The following KIAA0825 variants were observed in gnomAD, a reference collection of about 807,000 sequenced individuals.
KIAA0825 encodes KIAA0825.
A neutral mutation model predicts 147.6 loss-of-function variants in KIAA0825; 119 were observed. The observed-to-expected ratio is 0.81, with a 90% confidence interval of 0.69 to 0.94. The LOEUF is 0.94. Ranked by LOEUF, KIAA0825 falls within the 40% of genes least tolerant of loss-of-function variation. The pLI is 0.00. For missense variants in KIAA0825, 1,381 were observed against 1,472.7 expected, an observed-to-expected ratio of 0.94 and a Z score of 1.02; for synonymous variants, 470 against 518.1, an observed-to-expected ratio of 0.91 and a Z score of 1.26.
In KIAA0825 at chr5:94,253,669, G is replaced by A. The variant is rs558570174; in HGVS notation, c.3711-99545C>T. ...CTATTACTCTCATATTTCTAGAAAG[G>A]GAATATTTCAACATCATATATTTTT... On this transcript the variant is annotated intron_variant, in intron 20 of 20. Coordinates refer to ENST00000682413, the MANE Select transcript of KIAA0825 (RefSeq NM_001145678.3). Among the ~76,000 whole-genome samples, 12 of 152,050 alleles carry A rather than the reference G, an allele frequency of 7.9e-5. No individual in the cohort carries two copies. In the East Asian group the frequency reaches 2.1e-3, roughly 27 times the overall value.
At chr5:94,517,381 A>T (rs1767431946) in intron 5 of KIAA0825, among the ~76,000 whole-genome samples, 2 of 152,196 alleles carry the variant, frequency 1.3e-5, no homozygotes, top group African/African-American at 4.8e-5. Context: ...AGTCTTATAC[A>T]TATTAATAAG....
chr5:94,488,226 GTTC>G (rs1401066317), intron 5 of KIAA0825, among the ~76,000 whole-genome samples: 2 of 152,162 alleles, frequency 1.3e-5, no homozygotes, highest in Admixed American at 6.5e-5. Context: ...CAATCCAGGA[GTTC>G]TTCTTCCCCC....
intron 20 of KIAA0825, among the ~76,000 whole-genome samples, chr5:94,365,738 C>T (rs1240796266): frequency 6.6e-6 from 1 of 152,202 alleles, no homozygotes; most frequent in Non-Finnish European, 1.5e-5. Flanking sequence ...AAGATGATAA[C>T]AGGCCTTTCC....
intron 5 of KIAA0825, among the ~76,000 whole-genome samples, chr5:94,494,351 G>T (rs1229290397): frequency 7.7e-6 from 1 of 129,036 alleles, no homozygotes; most frequent in Non-Finnish European, 1.6e-5. Context: ...CTGAGAACAT[G>T]AGAGAGAATA....
At chr5:94,435,113 CTA>C (rs1756171711) in intron 14 of KIAA0825, among the ~76,000 whole-genome samples, 2 of 151,822 alleles carry the variant, frequency 1.3e-5, no homozygotes, top group Admixed American at 1.3e-4. Flanking sequence ...AAAAAAACCA[CTA>C]TTTTTTTTTC....
chr5:94,379,893 G>T (rs1243224934), intron 20 of KIAA0825, among the ~76,000 whole-genome samples: 11 of 112,842 alleles, frequency 9.7e-5, no homozygotes, highest in Admixed American at 3.9e-4. Flanking sequence ...TTGCTCTCTA[G>T]CCCAGGCTGC....
At chr5:94,316,761 A>G (rs1336343241) in intron 20 of KIAA0825, among the ~76,000 whole-genome samples, 11 of 151,804 alleles carry the variant, frequency 7.2e-5, no homozygotes, top group Non-Finnish European at 1.6e-4. Flanking sequence ...GATTAAATGC[A>G]ATTTTTAAAA....
chr5:94,483,576 GTTTTTTTGGGGGGGT>G (rs1762716047), intron 6 of KIAA0825, among the ~76,000 whole-genome samples: 1 of 150,908 alleles, frequency 6.6e-6, no homozygotes, highest in African/African-American at 2.4e-5. Flanking sequence ...CTTTTTTTTG[GTTTTTTTGGGGGGGT>G]TTTTTTTGGG....
At chr5:94,205,292 TA>T (rs1772070462) in intron 20 of KIAA0825, among the ~76,000 whole-genome samples, 2 of 142,966 alleles carry the variant, frequency 1.4e-5, no homozygotes, top group African/African-American at 5.2e-5. Context: ...TATATATATA[TA>T]TATATATTTT....
intron 2 of KIAA0825, among the ~76,000 whole-genome samples, chr5:94,562,096 A>ACT (rs1777656299): frequency 6.6e-6 from 1 of 152,174 alleles, no homozygotes; most frequent in Admixed American, 6.5e-5. Flanking sequence ...ATCTACAAAA[A>ACT]AAGGATGTTA....
chr5:94,162,736 C>T (rs1184230934), intron 20 of KIAA0825, among the ~76,000 whole-genome samples: 1 of 152,164 alleles, frequency 6.6e-6, no homozygotes, highest in East Asian at 1.9e-4. Flanking sequence ...GCTTCCCACC[C>T]CTTACAATGT....
intron 20 of KIAA0825, among the ~76,000 whole-genome samples, chr5:94,208,475 C>T (rs1239640143): frequency 6.6e-6 from 1 of 152,212 alleles, no homozygotes; most frequent in Non-Finnish European, 1.5e-5. Flanking sequence ...ACATACCAGA[C>T]ATGAGCCTCA....
intron 1 of KIAA0825, chr5:94,594,263 C>T (rs1784869529): frequency 6.4e-6 from 4 of 620,710 alleles, no homozygotes; most frequent in Non-Finnish European, 1.3e-5. Flanking sequence ...GATCAGTCTG[C>T]TTGGAATGCC....
chr5:94,469,263 C>T (rs565844080), intron 10 of KIAA0825, among the ~76,000 whole-genome samples: 9 of 151,946 alleles, frequency 5.9e-5, no homozygotes, highest in East Asian at 3.9e-4. Flanking sequence ...CTACGCCTCC[C>T]GGGTTCAAGC....
At chr5:94,255,174 G>T (rs1001125276) in intron 20 of KIAA0825, among the ~76,000 whole-genome samples, 2 of 150,914 alleles carry the variant, frequency 1.3e-5, no homozygotes, top group Non-Finnish European at 2.9e-5. Context: ...GATTGGAAGG[G>T]GATAGAAAAA....
At chr5:94,199,835 G>T (rs1771499390) in intron 20 of KIAA0825, among the ~76,000 whole-genome samples, 1 of 152,194 alleles carries the variant, frequency 6.6e-6, no homozygotes, top group Non-Finnish European at 1.5e-5. Context: ...ACTCTGATGG[G>T]AGGGCGACAG....
intron 20 of KIAA0825, among the ~76,000 whole-genome samples, chr5:94,227,838 G>A (rs1473362180): frequency 1.3e-5 from 2 of 151,558 alleles, no homozygotes; most frequent in African/African-American, 4.9e-5. Flanking sequence ...TTGAGGGCTG[G>A]GAGAGGGATA....
chr5:94,259,250 TA>T (rs569348145), intron 20 of KIAA0825, among the ~76,000 whole-genome samples: 2 of 152,090 alleles, frequency 1.3e-5, no homozygotes, highest in South Asian at 4.1e-4. Context: ...GATCATTTTA[TA>T]ATCATTTTAT....
chr5:94,539,057 C>T (rs1772717210), intron 2 of KIAA0825, among the ~76,000 whole-genome samples: 1 of 152,166 alleles, frequency 6.6e-6, no homozygotes, highest in Admixed American at 6.5e-5. Context: ...GCACAAAGTA[C>T]AGATCATAAA....
Sources: allele counts gnomAD v4.1 joint callset (sites outside exome capture counted in the v4.1 genomes callset), GRCh38; gene constraint gnomAD v4.1.1; transcripts MANE v1.5; gene names NCBI Gene and HGNC (gene_info 2026-07-23, HGNC 2026-07-21).